ZYG11B: variants seen among roughly 807,000 people sequenced by gnomAD.
ZYG11B encodes protein zyg-11 homolog B.
In ZYG11B, 36 loss-of-function variants were observed where a neutral mutation model predicts 82.4. The ratio of observed to expected loss-of-function variants is 0.44; its 90% confidence interval spans 0.33 to 0.58. The LOEUF is 0.58. Among genes scored for constraint, ZYG11B ranks in the 20% least tolerant of loss-of-function variants. The pLI is 0.02. For synonymous variants in ZYG11B, 303 were observed against 312.8 expected (o/e 0.97, Z 0.33); for missense variants, 552 against 895.6 (o/e 0.62, Z 4.90).
At chr1:52,813,188 C>T (rs941130306) in intron 10 of ZYG11B, among the ~76,000 whole-genome samples, 1 of 152,170 alleles carries the variant, frequency 6.6e-6, no homozygotes, top group South Asian at 2.1e-4. Context: ...CCCTAGCCTC[C>T]TGGAGTTTCA....
At chr1:52,800,658 A>G (rs1645068493) in intron 8 of ZYG11B, among the ~76,000 whole-genome samples, 1 of 151,982 alleles carries the variant, frequency 6.6e-6, no homozygotes, top group Non-Finnish European at 1.5e-5. Context: ...AAAATATAAA[A>G]ATTAGCCAGG....
At chr1:52,761,556 G>GTA (rs1644631662) in intron 2 of ZYG11B, among the ~76,000 whole-genome samples, 1 of 152,174 alleles carries the variant, frequency 6.6e-6, no homozygotes, top group Admixed American at 6.6e-5. Flanking sequence ...CATTATGTAT[G>GTA]TACACCACAT....
chr1:52,794,408 A>G (rs1644989487), intron 6 of ZYG11B, among the ~76,000 whole-genome samples: 1 of 152,202 alleles, frequency 6.6e-6, no homozygotes, highest in South Asian at 2.1e-4. Flanking sequence ...GAAAGAAGGT[A>G]ATAGTAAATT....
chr1:52,793,625 A>G (rs1261821390), intron 6 of ZYG11B, among the ~76,000 whole-genome samples: 1 of 152,216 alleles, frequency 6.6e-6, no homozygotes, highest in Non-Finnish European at 1.5e-5. Flanking sequence ...ATTAACATTA[A>G]GTAGAACTAG....
intron 3 of ZYG11B, among the ~76,000 whole-genome samples, chr1:52,775,566 C>G (rs1209720641): frequency 6.6e-6 from 1 of 152,114 alleles, no homozygotes; most frequent in Non-Finnish European, 1.5e-5. Context: ...TGGCACATGC[C>G]TGTAATCCCA....
intron 13 of ZYG11B, among the ~76,000 whole-genome samples, chr1:52,819,773 G>C (rs1645266435): frequency 6.8e-6 from 1 of 146,776 alleles, no homozygotes; most frequent in African/African-American, 2.5e-5. Context: ...GCGACAGAGT[G>C]AGACTCTGTC....
intron 5 of ZYG11B, among the ~76,000 whole-genome samples, chr1:52,788,636 G>A (rs1285402375): frequency 1.3e-5 from 2 of 152,174 alleles, no homozygotes; most frequent in Non-Finnish European, 2.9e-5. Context: ...GGCTGAAGCA[G>A]GAGGATCACT....
chr1:52,813,970 G>C, intron 12 of ZYG11B, 58 bp downstream of exon 12: 3 of 1,536,466 alleles, frequency 2.0e-6, no homozygotes, highest in Non-Finnish European at 2.7e-6. Flanking sequence ...TCATTCCTAA[G>C]AGTCATTCCT....
At chr1:52,802,689 AAGAAAG>A (rs994935547) in intron 10 of ZYG11B, among the ~76,000 whole-genome samples, 2 of 150,874 alleles carry the variant, frequency 1.3e-5, no homozygotes, top group Admixed American at 6.6e-5. Context: ...TGAACAAAAA[AAGAAAG>A]AGAGAGAGAG....
chr1:52,785,089 G>A (rs1022329147), intron 5 of ZYG11B, 36 bp downstream of exon 5: 14 of 1,598,800 alleles, frequency 8.8e-6, no homozygotes, highest in Non-Finnish European at 1.2e-5. Context: ...AATAGTCCTT[G>A]TAGTGTCTTC....
rs1268346317 is a variant in ZYG11B, at chr1:52,793,896, C to CTTCCTTCCTTCCTTCA, written c.1335-2390_1335-2389insCCTTCCTTCATTCCTT. Among the ~76,000 whole-genome samples, 1,111 of 148,962 alleles carry CTTCCTTCCTTCCTTCA rather than the reference C, an allele frequency of 7.5e-3. 21 individuals carry two copies. The highest frequency in any genetic ancestry group is 0.027 in the African/African-American group (1,061 of 39,758). Reference sequence around the variant, plus strand: ...CCTTCCTTCCTTCCTTCCTTCCTTCCTTCCTTTCTTTCCTTTCTTTCCTTT... The same window carrying CTTCCTTCCTTCCTTCA: ...CCTTCCTTCCTTCCTTCCTTCCTTCCTTCCTTCCTTCCTTCATTCCTTTCTTTCCTTTCTTTCCTTT... On this transcript the variant is annotated intron_variant, in intron 6 of 13. Transcript: ENST00000294353.
chr1:52,798,985 T>C (rs999331425), intron 8 of ZYG11B, among the ~76,000 whole-genome samples: 2 of 152,098 alleles, frequency 1.3e-5, no homozygotes, highest in African/African-American at 2.4e-5. Flanking sequence ...ATTCATTTGA[T>C]AAATATGTAT....
At chr1:52,790,211 C>G in intron 6 of ZYG11B, 144 bp downstream of exon 6, 1 of 522,182 alleles carries the variant, frequency 1.9e-6, no homozygotes, top group Non-Finnish European at 3.2e-6. Flanking sequence ...AATGCTAAAT[C>G]TACTTTCTTT....
chr1:52,805,648 A>G (rs1458089735), intron 10 of ZYG11B: 1 of 321,002 alleles, frequency 3.1e-6, no homozygotes, highest in Non-Finnish European at 6.2e-6. Flanking sequence ...CCTAGCCAAC[A>G]TGGTGAAACC....
At chr1:52,746,021 C>T (rs192208679) in intron 1 of ZYG11B, among the ~76,000 whole-genome samples, 17 of 151,408 alleles carry the variant, frequency 1.1e-4, no homozygotes, top group Non-Finnish European at 1.0e-4. Flanking sequence ...TGCAGTGGCA[C>T]TCGATCTCGG....
intron 4 of ZYG11B, among the ~76,000 whole-genome samples, chr1:52,783,971 TAC>T (rs201276854): frequency 0.082 from 4,466 of 54,504 alleles, 81 homozygotes; most frequent in Middle Eastern, 0.1. Flanking sequence ...TACACACATA[TAC>T]ACACACACAC....
chr1:52,820,118 G>A lies in ZYG11B; in HGVS notation c.2045-1321G>A, dbSNP rs141892631. 1.9e-3 allele frequency among the ~76,000 whole-genome samples: 281 copies of A among 150,916 alleles called. 8 individuals carry two copies. In the East Asian group the frequency reaches 0.051, roughly 27 times the overall value. On this transcript the variant is annotated intron_variant, in intron 13 of 13. Transcript: ENST00000294353. The stretch of plus-strand genomic sequence containing the variant: ...TTTAGTAGAGACGGGGTTTCACCAC[G>A]TTAGCCAGGATGGTCTCGATCTCCT...
At chr1:52,737,889 C>A (rs1221564292) in intron 1 of ZYG11B, among the ~76,000 whole-genome samples, 1 of 152,174 alleles carries the variant, frequency 6.6e-6, no homozygotes, top group African/African-American at 2.4e-5. Context: ...TGTACAGGTC[C>A]CCTGAGGGGA....
At chr1:52,794,250 AGGCGTGAGCCACT>A (rs1288547292) in intron 6 of ZYG11B, among the ~76,000 whole-genome samples, 1 of 152,132 alleles carries the variant, frequency 6.6e-6, no homozygotes, top group Non-Finnish European at 1.5e-5. Context: ...CTGGGATTAC[AGGCGTGAGCCACT>A]GCTCCTGGCC....
Sources: gnomAD v4.1 joint callset for allele counts (sites outside exome capture counted in the v4.1 genomes callset) on GRCh38, gnomAD v4.1.1 for gene constraint, MANE v1.5 for transcripts, NCBI Gene and HGNC (gene_info 2026-07-23, HGNC 2026-07-21) for gene names.